Variants in PTPRQ observed in about 807,000 individuals in gnomAD.
The protein encoded by PTPRQ is phosphatidylinositol phosphatase PTPRQ.
In PTPRQ, 199 loss-of-function variants were observed where a neutral mutation model predicts 246.0. The observed-to-expected ratio is 0.81, with a 90% confidence interval of 0.72 to 0.91. The LOEUF (loss-of-function observed/expected upper bound fraction) is 0.91. Ranked by LOEUF, PTPRQ falls within the 40% of genes least tolerant of loss-of-function variation. The pLI is 0.00. For missense variants in PTPRQ, 2,624 were observed against 2,528.4 expected (o/e 1.04, Z -0.81); for synonymous variants, 869 against 853.2 (o/e 1.02, Z -0.32).
chr12:80,494,901 TC>T, intron 10 of PTPRQ, 31 bp from the exon 11 acceptor site: 7 of 1,498,098 alleles, frequency 4.7e-6, no homozygotes, highest in Non-Finnish European at 6.2e-6. Context: ...CAAACACCTT[TC>T]TTTTTTTCTC....
chr12:80,542,854 A>C lies in PTPRQ; in HGVS notation c.3846A>C (p.Glu1282Asp). The C allele has an allele frequency of 6.5e-7, 1 of 1,532,722 alleles. No individual in the cohort carries two copies. Among genetic ancestry groups the C allele is most frequent in the South Asian group, 1.2e-5 (1 of 80,080 alleles). The allele number at this position is 1,532,722 out of a possible 1,614,324, so 94.9% of individuals were successfully genotyped here. Residue 1282 changes from glutamate (E) to aspartate (D), a missense_variant, in exon 23 of 45, where the codon GAA becomes GAC. Coordinates refer to ENST00000644991, the MANE Select transcript of PTPRQ (RefSeq NM_001145026.2). Reference protein sequence around the residue: ...IVKVYSFKIHEHETDTIYYKN... With the variant: ...IVKVYSFKIHDHETDTIYYKN... ...AAGTATATAGTTTTAAAATTCATGAACATGAAACTGACACTATATATTATA... is the reference window on the plus strand; with the variant it reads ...AAGTATATAGTTTTAAAATTCATGACCATGAAACTGACACTATATATTATA...
chr12:80,590,043 A>G (rs1592692311), intron 26 of PTPRQ, among the ~76,000 whole-genome samples: 2 of 151,920 alleles, frequency 1.3e-5, no homozygotes, highest in African/African-American at 2.4e-5. Flanking sequence ...GCTGCCTAGA[A>G]CTCCAGATCA....
At chr12:80,590,022 C>T (rs1237215475) in intron 26 of PTPRQ, among the ~76,000 whole-genome samples, 1 of 152,168 alleles carries the variant, frequency 6.6e-6, no homozygotes, top group Non-Finnish European at 1.5e-5. Context: ...ATACTATTTC[C>T]AGTCCTGAAT....
intron 8 of PTPRQ, among the ~76,000 whole-genome samples, chr12:80,482,585 G>C (rs1024901950): frequency 1.3e-5 from 2 of 150,308 alleles, no homozygotes; most frequent in Non-Finnish European, 2.9e-5. Flanking sequence ...AGAGCGAACA[G>C]GCAACCTACA....
intron 28 of PTPRQ, among the ~76,000 whole-genome samples, chr12:80,612,689 T>C (rs1898598329): frequency 6.6e-6 from 1 of 150,386 alleles, no homozygotes; most frequent in Admixed American, 6.7e-5. Flanking sequence ...TGGGCACTGA[T>C]CACAGAGAAT....
At position 80,521,390 on chromosome 12, in the gene PTPRQ, G is replaced by A. The variant is rs535473386; in HGVS notation, c.2678+10947G>A. Among the ~76,000 whole-genome samples, 253 of 152,102 alleles carry A rather than the reference G, an allele frequency of 1.7e-3. 1 individual carries two copies. Among genetic ancestry groups the A allele is most frequent in the African/African-American group, 5.8e-3 (240 of 41,492 alleles). On this transcript the variant is annotated intron_variant, in intron 17 of 44. Transcript: ENST00000644991. ...AATTAGATCCCATTTGTCAATTTTG[G>A]CTTTGGTTGCCATTGCTTTTTGTGT...
chr12:80,591,120 CTTTTTTTTTTT>C (rs757029945), intron 26 of PTPRQ, among the ~76,000 whole-genome samples: 3 of 77,402 alleles, frequency 3.9e-5, no homozygotes, highest in African/African-American at 5.7e-5. Context: ...TTGATCATTG[CTTTTTTTTTTT>C]TTTTTTTTTT....
At chr12:80,644,752 T>C (rs1359914738) in intron 35 of PTPRQ, among the ~76,000 whole-genome samples, 1 of 152,052 alleles carries the variant, frequency 6.6e-6, no homozygotes, top group Non-Finnish European at 1.5e-5. Context: ...TTTTTTTGTA[T>C]ATAAACATTA....
intron 6 of PTPRQ, among the ~76,000 whole-genome samples, chr12:80,464,068 A>G (rs1400182519): frequency 3.9e-5 from 6 of 152,166 alleles, no homozygotes; most frequent in Non-Finnish European, 7.4e-5. Flanking sequence ...AAAGACACAG[A>G]CTGGCAAATT....
intron 33 of PTPRQ, among the ~76,000 whole-genome samples, chr12:80,631,252 G>A (rs189910149): frequency 9.2e-5 from 14 of 151,974 alleles, no homozygotes; most frequent in Admixed American, 8.5e-4. Flanking sequence ...AAACTATTGG[G>A]TACTGGGCTT....
intron 33 of PTPRQ, 116 bp downstream of exon 33, chr12:80,622,250 G>A (rs1899023055): frequency 2.3e-6 from 2 of 882,320 alleles, no homozygotes; most frequent in African/African-American, 1.8e-5. Context: ...TCATTTAAAT[G>A]TTAATTAGCC....
At chr12:80,500,771 C>T (rs1162864754) in intron 14 of PTPRQ, among the ~76,000 whole-genome samples, 2 of 152,024 alleles carry the variant, frequency 1.3e-5, no homozygotes, top group South Asian at 2.1e-4. Context: ...GTAGCTGTAG[C>T]AGTAAACAAG....
intron 37 of PTPRQ, among the ~76,000 whole-genome samples, chr12:80,651,490 C>T (rs370509921): frequency 6.6e-6 from 1 of 151,954 alleles, no homozygotes; most frequent in African/African-American, 2.4e-5. Context: ...AATGCAAAAA[C>T]GGTCTAACTC....
At chr12:80,671,404 T>C (rs1263320337) in intron 42 of PTPRQ, among the ~76,000 whole-genome samples, 20 of 152,226 alleles carry the variant, frequency 1.3e-4, no homozygotes, top group African/African-American at 4.8e-4. Context: ...ATTAAAACCT[T>C]TGATGGACAG....
chr12:80,509,948 T>C (rs1895076186), intron 16 of PTPRQ, among the ~76,000 whole-genome samples: 1 of 152,132 alleles, frequency 6.6e-6, no homozygotes, highest in African/African-American at 2.4e-5. Context: ...TTCCCACCTC[T>C]TTTTTATTGT....
intron 39 of PTPRQ, among the ~76,000 whole-genome samples, chr12:80,666,266 C>G (rs1056973951): frequency 2.6e-4 from 40 of 151,922 alleles, no homozygotes; most frequent in African/African-American, 8.7e-4. Context: ...TCATTTGTGG[C>G]AATATGGATG....
At chr12:80,560,665 T>A (rs1253014827) in intron 25 of PTPRQ, among the ~76,000 whole-genome samples, 3 of 152,244 alleles carry the variant, frequency 2.0e-5, no homozygotes, top group Non-Finnish European at 4.4e-5. Flanking sequence ...ACAACACAGA[T>A]ACTCTTACAC....
At chr12:80,604,471 G>T (rs1898245510) in intron 26 of PTPRQ, among the ~76,000 whole-genome samples, 2 of 151,594 alleles carry the variant, frequency 1.3e-5, no homozygotes, top group Middle Eastern at 3.4e-3. Flanking sequence ...ACAAATTAAA[G>T]AATTTAATTG....
chr12:80,573,366 G>A (rs938946876), intron 25 of PTPRQ, among the ~76,000 whole-genome samples: 2 of 152,028 alleles, frequency 1.3e-5, no homozygotes, highest in Non-Finnish European at 2.9e-5. Flanking sequence ...GCGGGCGCCT[G>A]TGGTCCCAGC....
Sources: allele counts gnomAD v4.1 joint callset (sites outside exome capture counted in the v4.1 genomes callset), GRCh38; gene constraint gnomAD v4.1.1; transcripts MANE v1.5; gene names NCBI Gene and HGNC (gene_info 2026-07-23, HGNC 2026-07-21).